PARD3B: variants seen among roughly 807,000 people sequenced by gnomAD.
PARD3B encodes par-3 family cell polarity regulator beta.
In PARD3B, 103 loss-of-function variants were observed where a neutral mutation model predicts 130.2. The observed-to-expected ratio is 0.79, with a 90% CI of 0.67 to 0.93. The LOEUF (loss-of-function observed/expected upper bound fraction) is 0.93. Ranked by LOEUF, PARD3B falls within the 40% of genes least tolerant of loss-of-function variation. The probability of loss-of-function intolerance (pLI) is 0.00; values close to 1 mark genes in which losing one functional copy is unlikely to be tolerated. For missense variants in PARD3B, 1,609 were observed against 1,499.2 expected (o/e 1.07, Z -1.21); for synonymous variants, 583 against 553.2 (o/e 1.05, Z -0.76).
intron 16 of PARD3B, among the ~76,000 whole-genome samples, chr2:205,283,972 C>G (rs143004526): frequency 1.6e-4 from 24 of 152,220 alleles, no homozygotes; most frequent in African/African-American, 5.5e-4. Flanking sequence ...ACTCAGATTT[C>G]TAGAAAAACT....
chr2:205,518,721 C>T (rs1023130942), intron 21 of PARD3B, among the ~76,000 whole-genome samples: 1 of 152,118 alleles, frequency 6.6e-6, no homozygotes, highest in African/African-American at 2.4e-5. Flanking sequence ...TGGTAGCAGT[C>T]TTCCCTTTCT....
intron 4 of PARD3B, among the ~76,000 whole-genome samples, chr2:205,050,780 T>A (rs1699135868): frequency 2.0e-5 from 3 of 152,076 alleles, no homozygotes; most frequent in South Asian, 4.1e-4. Flanking sequence ...TCTGTTTTAT[T>A]GGACAGCGCA....
chr2:205,142,365 G>A lies in PARD3B; in HGVS notation c.1435-16357G>A, dbSNP rs1280772667. 6.6e-6 allele frequency among the ~76,000 whole-genome samples: 1 copy of A among 152,134 alleles called. No individual in the cohort carries two copies. Among genetic ancestry groups the A allele is most frequent in the Non-Finnish European group, 1.5e-5 (1 of 68,012 alleles). Reference sequence around the variant, plus strand: ...GAGAGGTGTTGAAAACTATGATTTTGGTAGATAAGATGAAAGACATAGTAG... The same window carrying A: ...GAGAGGTGTTGAAAACTATGATTTTAGTAGATAAGATGAAAGACATAGTAG... On this transcript the variant is annotated intron_variant, in intron 10 of 22. Coordinates refer to ENST00000406610, the MANE Select transcript of PARD3B (RefSeq NM_001302769.2). This position sits in a 1 kb window ranked among gnomAD's most constrained non-coding sequence, Gnocchi z 4.3.
intron 20 of PARD3B, among the ~76,000 whole-genome samples, chr2:205,450,531 T>G (rs2048063662): frequency 7.2e-6 from 1 of 138,434 alleles, no homozygotes; most frequent in Non-Finnish European, 1.5e-5. Context: ...TGGAGTGCAA[T>G]GGCATGATCT....
rs573954243 is a variant in PARD3B at position 205,252,638 on chromosome 2, G to A, written c.2185+6816G>A. On this transcript the variant is annotated intron_variant, in intron 16 of 22. Transcript: ENST00000406610. ...TGGTATATTTAAGAAATTTTAAGCA[G>A]TTCAGTGTGGCAGCAGTACAAAGAG... is the stretch of plus-strand genomic sequence containing the variant. 5.1e-4 allele frequency among the ~76,000 whole-genome samples: 78 copies of A among 152,138 alleles called. 1 individual carries two copies. Among genetic ancestry groups the A allele is most frequent in the Non-Finnish European group, 1.1e-3 (74 of 68,002 alleles).
chr2:205,092,127 G>T (rs554797689), intron 4 of PARD3B, among the ~76,000 whole-genome samples: 2 of 152,236 alleles, frequency 1.3e-5, no homozygotes, highest in South Asian at 4.2e-4. Context: ...CTGTGGACAT[G>T]GATGTCACCC....
At chr2:205,047,755 G>T (rs559613747) in intron 4 of PARD3B, 65 bp downstream of exon 4, 2 of 1,207,222 alleles carry the variant, frequency 1.7e-6, no homozygotes, top group South Asian at 1.4e-5. Flanking sequence ...GGTTAAGTGG[G>T]ACTTTGCAGT....
chr2:204,997,956 G>A (rs900505049), intron 3 of PARD3B, among the ~76,000 whole-genome samples: 1 of 114,158 alleles, frequency 8.8e-6, no homozygotes, highest in African/African-American at 3.1e-5. Context: ...TATAGTGAGT[G>A]TATGTGTATA....
At chr2:205,427,920 A>G (rs2047199355) in intron 19 of PARD3B, among the ~76,000 whole-genome samples, 1 of 152,242 alleles carries the variant, frequency 6.6e-6, no homozygotes, top group Non-Finnish European at 1.5e-5. Context: ...AAACTTTAGT[A>G]GTCAAACTGT....
At chr2:204,989,861 T>C (rs1693497106) in intron 3 of PARD3B, among the ~76,000 whole-genome samples, 1 of 152,144 alleles carries the variant, frequency 6.6e-6, no homozygotes, top group African/African-American at 2.4e-5. Flanking sequence ...AGGTTTTTGC[T>C]CTTACATGCA....
At chr2:204,748,121 TGG>T (rs1039961321) in intron 2 of PARD3B, among the ~76,000 whole-genome samples, 1 of 152,088 alleles carries the variant, frequency 6.6e-6, no homozygotes, top group Non-Finnish European at 1.5e-5. Flanking sequence ...AATAAAATTC[TGG>T]GAGATTTAAA....
intron 1 of PARD3B, among the ~76,000 whole-genome samples, chr2:204,553,182 A>G (rs1028495809): frequency 6.6e-6 from 1 of 152,188 alleles, no homozygotes; most frequent in Non-Finnish European, 1.5e-5. Context: ...ATGATCAGGG[A>G]AGTGCAACTC....
chr2:205,427,008 T>C (rs746467864), intron 19 of PARD3B, among the ~76,000 whole-genome samples: 6 of 152,104 alleles, frequency 3.9e-5, no homozygotes, highest in Non-Finnish European at 8.8e-5. Flanking sequence ...CCCTTAAGCA[T>C]ATGAAAAGAT....
At chr2:205,535,959 C>T (rs1264755348) in intron 21 of PARD3B, among the ~76,000 whole-genome samples, 2 of 152,170 alleles carry the variant, frequency 1.3e-5, no homozygotes, top group African/African-American at 2.4e-5. Flanking sequence ...TGCTGTATTG[C>T]ATTCACCTGG....
intron 3 of PARD3B, among the ~76,000 whole-genome samples, chr2:205,010,789 A>C (rs967562895): frequency 1.2e-4 from 19 of 152,062 alleles, no homozygotes; most frequent in African/African-American, 4.6e-4. Flanking sequence ...AAGTTCTGAA[A>C]ATTCAGAGTG....
intron 2 of PARD3B, among the ~76,000 whole-genome samples, chr2:204,820,283 G>T (rs1276560038): frequency 1.3e-5 from 2 of 151,276 alleles, no homozygotes; most frequent in Non-Finnish European, 2.9e-5. Context: ...CACCATGTTT[G>T]TCAGGCTGGT....
intron 19 of PARD3B, among the ~76,000 whole-genome samples, chr2:205,422,675 A>G (rs1364264411): frequency 1.3e-5 from 2 of 152,192 alleles, no homozygotes; most frequent in African/African-American, 2.4e-5. Context: ...TCCATTAGCA[A>G]TTTGCAGTTC....
At chr2:205,520,448 AGTTGCTCCTGGAGGCTCT>A (rs1262936069) in intron 21 of PARD3B, among the ~76,000 whole-genome samples, 2 of 152,134 alleles carry the variant, frequency 1.3e-5, no homozygotes, top group Non-Finnish European at 2.9e-5. Flanking sequence ...AGAGGCTTTC[AGTTGCTCCTGGAGGCTCT>A]CTGTCCAGGG....
chr2:205,081,905 G>A (rs1701434365), intron 4 of PARD3B, among the ~76,000 whole-genome samples: 1 of 152,050 alleles, frequency 6.6e-6, no homozygotes, highest in Admixed American at 6.5e-5. Context: ...TATAATGTGT[G>A]GGAAAGTGTT....
Sources: allele counts gnomAD v4.1 joint callset (sites outside exome capture counted in the v4.1 genomes callset), GRCh38; gene constraint gnomAD v4.1.1; non-coding constraint Gnocchi (gnomAD v3.1); transcripts MANE v1.5; gene names NCBI Gene and HGNC (gene_info 2026-07-23, HGNC 2026-07-21).